Variants in MDGA2 observed in about 807,000 individuals in gnomAD.
MDGA2 encodes MAM domain-containing glycosylphosphatidylinositol anchor protein 2.
Under a neutral mutation model 117.8 loss-of-function variants are expected in MDGA2, and 40 were observed. That is an observed-to-expected ratio of 0.34 (90% CI 0.26 to 0.44). MDGA2 has a LOEUF of 0.44. Among genes scored for constraint, MDGA2 ranks in the 20% least tolerant of loss-of-function variants. The probability of loss-of-function intolerance (pLI) is 1.00; values close to 1 mark genes in which losing one functional copy is unlikely to be tolerated. For synonymous variants in MDGA2, 452 were observed against 439.0 expected (o/e 1.03, Z -0.37); for missense variants, 1,123 against 1,250.6 (o/e 0.90, Z 1.54).
rs575247940 is a variant in MDGA2 at position 46,932,191 on chromosome 14, C to T, written c.2090-12031G>A. 2.2e-3 allele frequency among the ~76,000 whole-genome samples: 335 copies of T among 151,408 alleles called. 1 individual carries two copies. Among genetic ancestry groups the T allele is most frequent in the Non-Finnish European group, 3.0e-3 (203 of 67,832 alleles). ...TATTAATATGTGTTAGCATAAAGAACGATAGCATAAAGAACGATAGTAATT... is the reference window on the plus strand; with the variant it reads ...TATTAATATGTGTTAGCATAAAGAATGATAGCATAAAGAACGATAGTAATT... On this transcript the variant is annotated intron_variant, in intron 9 of 16. Transcript: ENST00000399232.
intron 9 of MDGA2, among the ~76,000 whole-genome samples, chr14:46,927,405 C>T (rs2138533587): frequency 6.6e-6 from 1 of 152,114 alleles, no homozygotes; most frequent in Middle Eastern, 3.4e-3. Flanking sequence ...AAATGTTAAA[C>T]ATACAAGCAA....
At chr14:47,422,334 A>G (rs1892596983) in intron 1 of MDGA2, among the ~76,000 whole-genome samples, 1 of 152,274 alleles carries the variant, frequency 6.6e-6, no homozygotes, top group South Asian at 2.1e-4. Context: ...GCAAATGTGA[A>G]TAAGAGTGGC....
chr14:47,592,121 T>C (rs557116087), intron 1 of MDGA2, among the ~76,000 whole-genome samples: 1 of 152,162 alleles, frequency 6.6e-6, no homozygotes, highest in South Asian at 2.1e-4. Context: ...AGCCAAATCA[T>C]GAATGAACTC....
intron 2 of MDGA2, among the ~76,000 whole-genome samples, chr14:47,254,674 T>C (rs1303506250): frequency 1.3e-5 from 2 of 152,170 alleles, no homozygotes; most frequent in African/African-American, 4.8e-5. Context: ...TTCTGAGCCC[T>C]CCAAACTGCT....
In MDGA2 at chr14:47,674,835, A is replaced by C; in HGVS notation, c.-39T>G. 1 of 617,720 alleles carries C rather than the reference A, an allele frequency of 1.6e-6. No homozygotes were observed. The highest frequency in any genetic ancestry group is 2.9e-6 in the Non-Finnish European group (1 of 349,148). 38.3% of individuals were successfully genotyped at this position (617,720 alleles called of 1,614,324 possible). On this transcript the variant is annotated 5_prime_UTR_variant, in exon 1 of 17. Transcript: ENST00000399232. Reference sequence around the variant, plus strand: ...CACACACACTCACACACTCTCCCACAACACAATACCCTGACACACACTCAC... The same window carrying C: ...CACACACACTCACACACTCTCCCACCACACAATACCCTGACACACACTCAC...
intron 1 of MDGA2, chr14:47,342,857 A>G (rs1465109875): frequency 2.8e-6 from 1 of 352,794 alleles, no homozygotes; most frequent in Non-Finnish European, 5.6e-6. Flanking sequence ...AACTTCCTTA[A>G]ACACTTAAAG....
intron 1 of MDGA2, among the ~76,000 whole-genome samples, chr14:47,631,982 T>C (rs1362017682): frequency 6.6e-6 from 1 of 152,044 alleles, no homozygotes; most frequent in Non-Finnish European, 1.5e-5. Context: ...GTATTTTATG[T>C]ATGACCCAAG....
At chr14:47,145,646 T>C (rs888229810) in intron 3 of MDGA2, among the ~76,000 whole-genome samples, 1 of 152,062 alleles carries the variant, frequency 6.6e-6, no homozygotes, top group African/African-American at 2.4e-5. Context: ...AACTTTGGGG[T>C]CTTCAATTTC....
intron 3 of MDGA2, among the ~76,000 whole-genome samples, chr14:47,195,547 G>C (rs1885259264): frequency 6.6e-6 from 1 of 152,060 alleles, no homozygotes; most frequent in African/African-American, 2.4e-5. Context: ...TTCATATTAA[G>C]GTTTCTTTTG....
At chr14:47,110,359 A>G (rs528415533) in intron 5 of MDGA2, among the ~76,000 whole-genome samples, 1 of 152,316 alleles carries the variant, frequency 6.6e-6, no homozygotes, top group South Asian at 2.1e-4. Flanking sequence ...CAAATTAGTC[A>G]AGATTTAAAG....
At chr14:46,893,577 CTG>C (rs1595026522) in intron 10 of MDGA2, among the ~76,000 whole-genome samples, 1 of 151,936 alleles carries the variant, frequency 6.6e-6, no homozygotes, top group Non-Finnish European at 1.5e-5. Context: ...ATTTGCGAGA[CTG>C]TAGTAATCAT....
chr14:47,672,833 C>T (rs920976449), intron 1 of MDGA2, among the ~76,000 whole-genome samples: 2 of 152,120 alleles, frequency 1.3e-5, no homozygotes, highest in African/African-American at 4.8e-5. Flanking sequence ...GTTCAGAGGG[C>T]ACCGGGGTCC....
At chr14:47,342,256 T>TTATATATATATATATA (rs10536485) in intron 1 of MDGA2, among the ~76,000 whole-genome samples, 10 of 134,074 alleles carry the variant, frequency 7.5e-5, no homozygotes, top group South Asian at 2.6e-4. Context: ...CACAAAATGT[T>TTATATATATATATATA]TATATATATA....
At chr14:47,561,153 G>GTTT (rs778265539) in intron 1 of MDGA2, among the ~76,000 whole-genome samples, 6 of 63,912 alleles carry the variant, frequency 9.4e-5, no homozygotes, top group Non-Finnish European at 1.9e-4. Flanking sequence ...TTTTTTTTTT[G>GTTT]TTTTGTTTTG....
chr14:47,079,833 G>A (rs1172761496), intron 6 of MDGA2, among the ~76,000 whole-genome samples: 1 of 143,522 alleles, frequency 7.0e-6, no homozygotes, highest in African/African-American at 2.6e-5. Context: ...CCAGGTTCAC[G>A]CCATTCTCCT....
intron 9 of MDGA2, among the ~76,000 whole-genome samples, chr14:46,949,121 C>T (rs1981284): frequency 0.12 from 18,235 of 152,080 alleles, 2,095 homozygotes; most frequent in African/African-American, 0.28. Context: ...GCAGATTTAT[C>T]ATCTCCCATT....
chr14:47,324,116 G>A lies in MDGA2; in HGVS notation c.281-22566C>T, dbSNP rs557693045. ...AAAAATTAGCCAGGCGTGGTGGCAGGCACCTGTAGTCCCAGCTACTAGGGA... is the reference window on the plus strand; with the variant it reads ...AAAAATTAGCCAGGCGTGGTGGCAGACACCTGTAGTCCCAGCTACTAGGGA... On this transcript the variant is annotated intron_variant, in intron 1 of 16. Coordinates refer to ENST00000399232, the MANE Select transcript of MDGA2 (RefSeq NM_001113498.3). 5.3e-5 allele frequency among the ~76,000 whole-genome samples: 8 copies of A among 151,968 alleles called. No individual in the cohort carries two copies. In the East Asian group the frequency reaches 1.4e-3, roughly 26 times the overall value.
intron 9 of MDGA2, among the ~76,000 whole-genome samples, chr14:46,943,075 A>C (rs940709306): frequency 1.3e-5 from 2 of 152,076 alleles, no homozygotes; most frequent in Non-Finnish European, 2.9e-5. Context: ...CTCTATTAAT[A>C]GATGTTCACA....
chr14:46,845,098 T>C (rs1006463353), intron 16 of MDGA2, among the ~76,000 whole-genome samples: 2 of 152,170 alleles, frequency 1.3e-5, no homozygotes, highest in African/African-American at 4.8e-5. Flanking sequence ...TTAGCCAGGA[T>C]GGTCTTGATC....
Sources: allele counts gnomAD v4.1 joint callset (sites outside exome capture counted in the v4.1 genomes callset), GRCh38; gene constraint gnomAD v4.1.1; transcripts MANE v1.5; gene names NCBI Gene and HGNC (gene_info 2026-07-23, HGNC 2026-07-21).